The following SMG5 variants were observed in gnomAD, a reference collection of about 807,000 sequenced individuals.
SMG5 encodes nonsense-mediated mRNA decay factor SMG5.
SMG5 carries 53 observed loss-of-function variants against 122.9 expected under a neutral mutation model. The observed-to-expected ratio is 0.43, with a 90% CI of 0.35 to 0.54. The LOEUF (loss-of-function observed/expected upper bound fraction) is 0.54. Ranked by LOEUF, SMG5 falls within the 20% of genes least tolerant of loss-of-function variation. The probability of loss-of-function intolerance (pLI) is 0.01; values close to 1 mark genes in which losing one functional copy is unlikely to be tolerated. For missense variants in SMG5, 1,153 were observed against 1,285.6 expected, an observed-to-expected ratio of 0.90 and a Z score of 1.58; for synonymous variants, 477 against 490.2, an observed-to-expected ratio of 0.97 and a Z score of 0.35.
intron 1 of SMG5, among the ~76,000 whole-genome samples, 157 bp downstream of exon 1, chr1:156,282,450 G>C (rs1430279001): frequency 1.3e-5 from 2 of 151,972 alleles, no homozygotes; most frequent in Non-Finnish European, 2.9e-5. Flanking sequence ...GTTCCATCCC[G>C]AGTTACTACG....
At chr1:156,273,546 A>G in intron 5 of SMG5, 96 bp from the exon 6 acceptor site, 1 of 1,174,940 alleles carries the variant, frequency 8.5e-7, no homozygotes, top group South Asian at 1.3e-5. Flanking sequence ...TGGTAACAAG[A>G]GCCTGGAAGG....
intron 9 of SMG5, among the ~76,000 whole-genome samples, 187 bp downstream of exon 9, chr1:156,267,928 T>C (rs962288158): frequency 6.6e-6 from 1 of 152,146 alleles, no homozygotes; most frequent in Non-Finnish European, 1.5e-5. Context: ...TAGGGAGAGC[T>C]GCTGGGAGGA....
chr1:156,289,219 A>C, the SMG5 span, among the ~76,000 whole-genome samples: 1 of 152,242 alleles, frequency 6.6e-6, no homozygotes, highest in Non-Finnish European at 1.5e-5. Context: ...TCACACCTGT[A>C]ATCCCAGCAC....
Position 156,249,645 on chromosome 1 carries a change from GAGC to G in SMG5, c.*939_*941del. 2.3e-6 allele frequency: 1 copy of G among 429,056 alleles called. No homozygotes were observed. Among genetic ancestry groups the G allele is most frequent in the South Asian group, 1.7e-5 (1 of 57,198 alleles). 26.6% of individuals were successfully genotyped at this position (429,056 alleles called of 1,614,324 possible). On this transcript the variant is annotated 3_prime_UTR_variant, in exon 22 of 22. Coordinates refer to ENST00000361813, the MANE Select transcript of SMG5 (RefSeq NM_015327.3). Reference sequence around the variant, plus strand: ...AAAGGAGGGACGGGGGCCTCTGACTGAGCAGCTTCAAGGAGCCTCTCCTTTCTG... The same window carrying G: ...AAAGGAGGGACGGGGGCCTCTGACTGAGCTTCAAGGAGCCTCTCCTTTCTG...
the SMG5 span, chr1:156,291,497 G>A: frequency 1.2e-6 from 2 of 1,612,804 alleles, no homozygotes; most frequent in Non-Finnish European, 1.7e-6. Flanking sequence ...CTACATGTTC[G>A]TGGTGGAGCC....
At chr1:156,268,471 T>G in intron 7 of SMG5, 56 bp from the exon 8 acceptor site, 6 of 1,594,238 alleles carry the variant, frequency 3.8e-6, no homozygotes. Flanking sequence ...TATGTTACTC[T>G]GCTGGGGCTT....
chr1:156,251,581 G>T, intron 19 of SMG5, 104 bp from the exon 20 acceptor site: 1 of 1,135,100 alleles, frequency 8.8e-7, no homozygotes, highest in Non-Finnish European at 1.3e-6. Context: ...TGCAGGCGGG[G>T]CTGGGGAACA....
intron 4 of SMG5, 57 bp from the exon 5 acceptor site, chr1:156,274,743 T>C: frequency 7.1e-7 from 1 of 1,409,798 alleles, no homozygotes; most frequent in Admixed American, 1.7e-5. Context: ...CCCGCACCTA[T>C]GAAGAAATAC....
In SMG5 at chr1:156,250,018, T is replaced by A. The variant is rs763255308; in HGVS notation, c.*569A>T. 2.3e-6 allele frequency: 1 copy of A among 443,968 alleles called. No homozygotes were observed. The highest frequency in any genetic ancestry group is 4.7e-6 in the Non-Finnish European group (1 of 211,096). 27.5% of individuals were successfully genotyped at this position (443,968 alleles called of 1,614,324 possible). A position where few individuals can be genotyped will look rare whatever the true frequency, so the allele number is the denominator to read the frequency against. ...TACTCGGTGCAGGCCACTCCAGGCC[T>A]TGCTTCTCTAACAGCCCCTGTGGCT... On this transcript the variant is annotated 3_prime_UTR_variant, in exon 22 of 22. Coordinates refer to ENST00000361813, the MANE Select transcript of SMG5 (RefSeq NM_015327.3).
In SMG5 at chr1:156,263,587, TG is replaced by T; in HGVS notation, c.1856-18del. 6.2e-7 allele frequency: 1 copy of T among 1,608,184 alleles called. No individual in the cohort carries two copies. Among genetic ancestry groups the T allele is most frequent in the Non-Finnish European group, 8.5e-7 (1 of 1,176,476 alleles). ...CCTCAGAGGCTGGGGGGTGGGTGAA[TG>T]GAAGAGAAAAAAACTGGGATAAACA... On this transcript the variant is annotated intron_variant, in intron 12 of 21. Transcript: ENST00000361813.
Position 156,273,346 on chromosome 1 carries a change from T to C in SMG5, c.634+15A>G, listed in dbSNP as rs145372199. On this transcript the variant is annotated intron_variant, in intron 6 of 21. Transcript: ENST00000361813. ...ACCCTACTGGATTCAGAGGCCCAAG[T>C]TGGGGACAACTTACCAATCTGAGGA... The C allele has an allele frequency of 8.1e-5, 131 of 1,611,550 alleles. No individual in the cohort carries two copies. Among genetic ancestry groups the C allele is most frequent in the Non-Finnish European group, 1.0e-4 (122 of 1,178,692 alleles).
rs764025981 is a variant in SMG5, at chr1:156,279,050, G to A, written c.75-16C>T. On this transcript the variant is annotated splice_polypyrimidine_tract_variant and intron_variant, in intron 1 of 21. Transcript: ENST00000361813. ...CACCACAGCCCTGTAGGGAAATACA[G>A]GCAAATATCCCCTCAGCCATATGCA... is the stretch of plus-strand genomic sequence containing the variant. The A allele has an allele frequency of 1.1e-5, 18 of 1,606,456 alleles. No homozygotes were observed. The highest frequency in any genetic ancestry group is 1.7e-5 in the Admixed American group (1 of 59,976).
At chr1:156,275,900 G>A (rs924722045) in intron 4 of SMG5, among the ~76,000 whole-genome samples, 9 of 149,578 alleles carry the variant, frequency 6.0e-5, no homozygotes, top group Non-Finnish European at 7.4e-5. Flanking sequence ...CTGCAGCCTC[G>A]AACTCCTGGG....
At chr1:156,254,744 C>T (rs1192793062) in intron 16 of SMG5, among the ~76,000 whole-genome samples, 1 of 152,134 alleles carries the variant, frequency 6.6e-6, no homozygotes, top group Non-Finnish European at 1.5e-5. Flanking sequence ...AGCGCCCAGC[C>T]CACTGAAGAC....
At chr1:156,289,291 G>A in the SMG5 span, among the ~76,000 whole-genome samples, 1 of 151,850 alleles carries the variant, frequency 6.6e-6, no homozygotes, top group Non-Finnish European at 1.5e-5. Context: ...TGGCTAACAC[G>A]GTAAAACCCC....
intron 1 of SMG5, among the ~76,000 whole-genome samples, chr1:156,281,679 C>T (rs1431593588): frequency 6.6e-6 from 1 of 152,202 alleles, no homozygotes; most frequent in Non-Finnish European, 1.5e-5. Context: ...TTCTATAAAG[C>T]CTGAGCTAAA....
At chr1:156,260,304 G>A (rs1483933469) in intron 15 of SMG5, 147 bp downstream of exon 15, 1 of 982,518 alleles carries the variant, frequency 1.0e-6, no homozygotes, top group Non-Finnish European at 1.5e-6. Context: ...ACTGAATGAA[G>A]AAGGAAGCAC....
intron 7 of SMG5, among the ~76,000 whole-genome samples, chr1:156,270,808 G>A (rs985625316): frequency 1.3e-5 from 2 of 152,206 alleles, no homozygotes; most frequent in African/African-American, 4.8e-5. Context: ...GGGAGTTTGA[G>A]ACCAGCCTGA....
rs1229479162 is a variant in SMG5, at chr1:156,262,477, G to GAAAA, written c.2031+914_2031+917dup. Among the ~76,000 whole-genome samples the GAAAA allele has an allele frequency of 9.0e-5, 6 of 66,962 alleles. 1 individual carries two copies. Among genetic ancestry groups the GAAAA allele is most frequent in the South Asian group, 5.3e-4 (1 of 1,892 alleles). 43.9% of individuals were successfully genotyped at this position (66,962 alleles called of 152,430 possible). A position where few individuals can be genotyped will look rare whatever the true frequency, so the allele number is the denominator to read the frequency against. ...GGCGACAGAGCCAGACTCCATCTCA[G>GAAAA]AAAAAAAAAAAAAAAAAAAAAGGAG... On this transcript the variant is annotated intron_variant, in intron 13 of 21. Transcript: ENST00000361813.
Sources: gnomAD v4.1 joint callset for allele counts (sites outside exome capture counted in the v4.1 genomes callset) on GRCh38, gnomAD v4.1.1 for gene constraint, MANE v1.5 for transcripts, NCBI Gene and HGNC (gene_info 2026-07-23, HGNC 2026-07-21) for gene names.